The following SHOC2 variants were observed in gnomAD, a reference collection of about 807,000 sequenced individuals.
SHOC2 encodes the protein leucine-rich repeat protein SHOC-2.
A neutral mutation model predicts 50.2 loss-of-function variants in SHOC2; 4 were observed. That is an observed-to-expected ratio of 0.08 (90% CI 0.04 to 0.18). SHOC2 has a LOEUF of 0.18. Among genes scored for constraint, SHOC2 ranks in the 10% least tolerant of loss-of-function variants. SHOC2 has a pLI of 1.00. For synonymous variants in SHOC2, 218 were observed against 244.5 expected (o/e 0.89, Z 1.01); for missense variants, 388 against 669.6 (o/e 0.58, Z 4.64).
chr10:110,984,983 C>T lies in SHOC2; in HGVS notation c.704-645C>T, dbSNP rs181981851. On this transcript the variant is annotated intron_variant, in intron 2 of 8. Coordinates refer to ENST00000369452, the MANE Select transcript of SHOC2 (RefSeq NM_007373.4). ...TTGGCAACACAGTGAACTGCTAGAC[C>T]TCCTAGATACTATAGGCATGAGAGG... Among the ~76,000 whole-genome samples the T allele has an allele frequency of 5.3e-5, 8 of 152,030 alleles. No individual in the cohort carries two copies. In the South Asian group the frequency reaches 8.3e-4, roughly 16 times the overall value.
chr10:110,930,335 G>A (rs746528573), intron 1 of SHOC2, among the ~76,000 whole-genome samples: 15 of 152,074 alleles, frequency 9.9e-5, no homozygotes, highest in Admixed American at 1.3e-4. Flanking sequence ...GTTATTGAGA[G>A]CGCATTTATT....
chr10:110,935,041 G>T (rs958704804), intron 1 of SHOC2, among the ~76,000 whole-genome samples: 3 of 152,136 alleles, frequency 2.0e-5, no homozygotes, highest in African/African-American at 7.2e-5. Flanking sequence ...GCACATATAT[G>T]TGCATATATA....
chr10:110,960,825 G>A (rs1847556684), intron 1 of SHOC2, among the ~76,000 whole-genome samples: 1 of 152,040 alleles, frequency 6.6e-6, no homozygotes, highest in Non-Finnish European at 1.5e-5. Context: ...ACAGGCGCCC[G>A]CCACCACGCC....
intron 3 of SHOC2, among the ~76,000 whole-genome samples, chr10:110,990,733 A>T (rs979706014): frequency 2.0e-4 from 31 of 152,192 alleles, no homozygotes; most frequent in African/African-American, 7.2e-4. Flanking sequence ...CTTTGCAATA[A>T]ATCTTGCTAC....
Position 110,933,867 on chromosome 10 carries a change from G to GATT in SHOC2, c.-235+14211_-235+14213dup, listed in dbSNP as rs769941204. Among the ~76,000 whole-genome samples, 7 of 151,966 alleles carry GATT rather than the reference G, an allele frequency of 4.6e-5. No individual in the cohort carries two copies. The East Asian group carries it at 1.2e-3, about 25-fold the overall frequency. On this transcript the variant is annotated intron_variant, in intron 1 of 8. Transcript: ENST00000369452. ...CAGTCCAGTGATGCCCATATCTTTT[G>GATT]ATTTTTTTTTTAACGAAAGTTTGGA...
chr10:110,996,529 T>TA lies in SHOC2; in HGVS notation c.842-3875dup, dbSNP rs571137418. ...GGCGACAGAGTCAGACTCTGTCTCT[T>TA]AAAAAAAAAAAGAAATGATGAGGGT... On this transcript the variant is annotated intron_variant, in intron 3 of 8. Transcript: ENST00000369452. 1.0e-3 allele frequency among the ~76,000 whole-genome samples: 144 copies of TA among 143,268 alleles called. 1 individual carries two copies. The highest frequency in any genetic ancestry group is 3.7e-3 in the Middle Eastern group (1 of 272). The allele number at this position is 143,268 out of a possible 152,430, so 94.0% of individuals were successfully genotyped here. A position where few individuals can be genotyped will look rare whatever the true frequency, so the allele number is the denominator to read the frequency against.
At chr10:110,972,777 C>G (rs1360603503) in intron 2 of SHOC2, among the ~76,000 whole-genome samples, 1 of 152,090 alleles carries the variant, frequency 6.6e-6, no homozygotes, top group Non-Finnish European at 1.5e-5. Context: ...GTTGAGGCTG[C>G]AGTGAGCTGT....
chr10:111,001,987 A>C (rs1232621868), intron 4 of SHOC2, among the ~76,000 whole-genome samples: 1 of 152,136 alleles, frequency 6.6e-6, no homozygotes, highest in Non-Finnish European at 1.5e-5. Flanking sequence ...CAGAGATTGC[A>C]GTGAGCCGAG....
chr10:110,933,844 G>T (rs560302337), intron 1 of SHOC2, among the ~76,000 whole-genome samples: 6 of 152,202 alleles, frequency 3.9e-5, no homozygotes, highest in African/African-American at 1.2e-4. Flanking sequence ...TGTGGATCCA[G>T]TCCAGTGATG....
intron 1 of SHOC2, among the ~76,000 whole-genome samples, chr10:110,928,478 TA>T (rs1335385871): frequency 6.6e-6 from 1 of 152,250 alleles, no homozygotes; most frequent in African/African-American, 2.4e-5. Context: ...TTTACTAGCT[TA>T]TTTTGTTAAT....
intron 3 of SHOC2, 91 bp downstream of exon 3, chr10:110,985,856 A>G: frequency 8.8e-7 from 1 of 1,131,474 alleles, no homozygotes; most frequent in South Asian, 1.3e-5. Context: ...ATGAAAATTC[A>G]GGAGTAAAAT....
chr10:110,949,217 CA>C (rs1170155371), intron 1 of SHOC2, among the ~76,000 whole-genome samples: 4 of 151,190 alleles, frequency 2.6e-5, no homozygotes, highest in African/African-American at 7.3e-5. Context: ...CTAGACTATG[CA>C]AAAAAAGGAC....
At chr10:110,972,806 C>T (rs1052710493) in intron 2 of SHOC2, among the ~76,000 whole-genome samples, 1 of 152,058 alleles carries the variant, frequency 6.6e-6, no homozygotes, top group Non-Finnish European at 1.5e-5. Context: ...CACTGTAGTC[C>T]AGCCTGGGTG....
intron 3 of SHOC2, among the ~76,000 whole-genome samples, chr10:110,997,776 A>G (rs1338538248): frequency 6.6e-6 from 1 of 152,184 alleles, no homozygotes; most frequent in African/African-American, 2.4e-5. Context: ...AGGAACAGAC[A>G]CAGAGAGGTT....
intron 8 of SHOC2, among the ~76,000 whole-genome samples, chr10:111,010,836 C>T (rs1178482008): frequency 6.6e-6 from 1 of 152,142 alleles, no homozygotes; most frequent in Non-Finnish European, 1.5e-5. Flanking sequence ...CAAGGTTGTT[C>T]TGAAGCTTAA....
chr10:111,002,391 G>A (rs1443332622), intron 4 of SHOC2, among the ~76,000 whole-genome samples: 3 of 152,242 alleles, frequency 2.0e-5, no homozygotes, highest in African/African-American at 4.8e-5. Context: ...TTCAATAAGG[G>A]CATATTAAAT....
Position 110,919,628 on chromosome 10 carries a change from A to T in SHOC2, c.-264A>T, listed in dbSNP as rs1367943420. The stretch of plus-strand genomic sequence containing the variant: ...GGAAGAGGAGGAAGGAGGGCGAGCG[A>T]GGAGGATGGCGGAGTCGGGGCTCCT... On this transcript the variant is annotated 5_prime_UTR_variant, in exon 1 of 9. Transcript: ENST00000369452. The T allele has an allele frequency of 7.5e-6, 3 of 398,262 alleles. No individual in the cohort carries two copies. Among genetic ancestry groups the T allele is most frequent in the Non-Finnish European group, 8.8e-6 (2 of 226,370 alleles). The allele number at this position is 398,262 out of a possible 1,614,324, so 24.7% of individuals were successfully genotyped here.
intron 8 of SHOC2, among the ~76,000 whole-genome samples, chr10:111,010,681 TA>T (rs11346518): frequency 0.94 from 142,167 of 151,982 alleles, 66,555 homozygotes; most frequent in Admixed American, 0.96. Context: ...TAAAGTATAA[TA>T]AAAAAAAATG....
chr10:110,934,461 A>G (rs904304224), intron 1 of SHOC2, among the ~76,000 whole-genome samples: 2 of 152,226 alleles, frequency 1.3e-5, no homozygotes, highest in African/African-American at 4.8e-5. Flanking sequence ...ACATACAAAA[A>G]TTATAATTTA....
Sources: allele counts gnomAD v4.1 joint callset (sites outside exome capture counted in the v4.1 genomes callset), GRCh38; gene constraint gnomAD v4.1.1; transcripts MANE v1.5; gene names NCBI Gene and HGNC (gene_info 2026-07-23, HGNC 2026-07-21).